Variants in DOCK8 observed in about 807,000 individuals in gnomAD.
DOCK8 encodes the protein dedicator of cytokinesis 8, also known as dedicator of cytokinesis protein 8.
In DOCK8, 141 loss-of-function variants were observed where a neutral mutation model predicts 245.6. The ratio of observed to expected loss-of-function variants is 0.57; its 90% CI spans 0.50 to 0.66. The LOEUF (loss-of-function observed/expected upper bound fraction) is 0.66. DOCK8 is among the 30% of genes least tolerant of loss of function. DOCK8 has a pLI of 0.00. For missense variants in DOCK8, 2,965 were observed against 2,603.4 expected, an observed-to-expected ratio of 1.14 and a Z score of -3.02; for synonymous variants, 1,168 against 970.2, an observed-to-expected ratio of 1.20 and a Z score of -3.79.
intron 14 of DOCK8, among the ~76,000 whole-genome samples, chr9:342,156 C>G (rs1053859183): frequency 1.8e-4 from 27 of 152,136 alleles, no homozygotes; most frequent in African/African-American, 6.0e-4. Flanking sequence ...ATCCCCTGCC[C>G]CCCGCTGCCA....
chr9:330,447 T>TA (rs1376065176), intron 9 of DOCK8, among the ~76,000 whole-genome samples: 2 of 152,068 alleles, frequency 1.3e-5, no homozygotes, highest in South Asian at 2.1e-4. Context: ...ACAATCCAGT[T>TA]AAAAAAACAA....
chr9:221,929 TATTAA>T (rs1033919753), intron 1 of DOCK8, among the ~76,000 whole-genome samples: 1 of 151,964 alleles, frequency 6.6e-6, no homozygotes, highest in African/African-American at 2.4e-5. Flanking sequence ...TAAAATGATT[TATTAA>T]ATTAATTTTC....
intron 14 of DOCK8, among the ~76,000 whole-genome samples, chr9:358,493 A>G (rs2052557598): frequency 6.6e-6 from 1 of 152,224 alleles, no homozygotes; most frequent in Non-Finnish European, 1.5e-5. Context: ...AAATAAATCT[A>G]AGTGTGTGTA....
intron 1 of DOCK8, among the ~76,000 whole-genome samples, chr9:231,500 C>A (rs558663889): frequency 5.2e-4 from 79 of 152,252 alleles, no homozygotes; most frequent in African/African-American, 1.8e-3. Context: ...GCAGTATGGC[C>A]ATTTTCACGA....
At chr9:461,888 T>C (rs971726830) in intron 46 of DOCK8, among the ~76,000 whole-genome samples, 2 of 152,052 alleles carry the variant, frequency 1.3e-5, no homozygotes, top group African/African-American at 4.8e-5. Context: ...TTGGTCCTTT[T>C]CTGAACTTTT....
chr9:318,384 T>C (rs2130760066), intron 7 of DOCK8, among the ~76,000 whole-genome samples: 1 of 152,348 alleles, frequency 6.6e-6, no homozygotes, highest in East Asian at 1.9e-4. Context: ...AAGGCTGGGT[T>C]TCAACCCCTG....
chr9:402,711 A>G (rs991606535), intron 26 of DOCK8, among the ~76,000 whole-genome samples: 1 of 152,196 alleles, frequency 6.6e-6, no homozygotes, highest in African/African-American at 2.4e-5. Context: ...GTCTTTTTTA[A>G]TAGTCACTAA....
chr9:408,135 C>G (rs1045260445), intron 28 of DOCK8, among the ~76,000 whole-genome samples: 1 of 152,164 alleles, frequency 6.6e-6, no homozygotes, highest in Non-Finnish European at 1.5e-5. Flanking sequence ...GGTAGCATTG[C>G]TGTATGTTAT....
At chr9:355,126 G>A (rs1266214180) in intron 14 of DOCK8, among the ~76,000 whole-genome samples, 2 of 151,786 alleles carry the variant, frequency 1.3e-5, no homozygotes, top group African/African-American at 2.4e-5. Context: ...TTAATTTTGT[G>A]GATGCTGAGG....
chr9:239,893 A>G (rs2047340913), intron 1 of DOCK8, among the ~76,000 whole-genome samples: 1 of 152,218 alleles, frequency 6.6e-6, no homozygotes, highest in Non-Finnish European at 1.5e-5. Context: ...TGAATGCATA[A>G]CATTCCATTG....
intron 18 of DOCK8, among the ~76,000 whole-genome samples, chr9:372,540 C>G (rs933603014): frequency 4.3e-4 from 65 of 152,240 alleles, no homozygotes; most frequent in African/African-American, 1.5e-3. Flanking sequence ...AGAGGGATTC[C>G]CAGAATAATG....
chr9:436,704 T>A (rs955219), intron 39 of DOCK8, among the ~76,000 whole-genome samples: 1 of 151,830 alleles, frequency 6.6e-6, no homozygotes, highest in South Asian at 2.1e-4. Context: ...TCCACATTAT[T>A]CCGACATGGG....
At chr9:297,142 G>T (rs2049291332) in intron 4 of DOCK8, among the ~76,000 whole-genome samples, 1 of 152,196 alleles carries the variant, frequency 6.6e-6, no homozygotes, top group African/African-American at 2.4e-5. Context: ...AAAGGAAAGA[G>T]AGGGTAGGGA....
At chr9:274,091 A>C (rs992293367) in intron 2 of DOCK8, among the ~76,000 whole-genome samples, 1 of 152,212 alleles carries the variant, frequency 6.6e-6, no homozygotes, top group African/African-American at 2.4e-5. Context: ...AATAATGCTT[A>C]ATATCTGTAA....
chr9:285,176 C>T (rs1353704751), intron 2 of DOCK8, among the ~76,000 whole-genome samples: 1 of 152,154 alleles, frequency 6.6e-6, no homozygotes, highest in South Asian at 2.1e-4. Context: ...TTACGCCACT[C>T]ATGTCTCCTC....
At chr9:357,899 C>T (rs546520807) in intron 14 of DOCK8, among the ~76,000 whole-genome samples, 4 of 152,204 alleles carry the variant, frequency 2.6e-5, no homozygotes, top group Non-Finnish European at 5.9e-5. Context: ...AGGAGTTTTC[C>T]TTCTGTTTTC....
upstream of DOCK8, chr9:213,681 C>T (rs1482408366): frequency 6.6e-6 from 1 of 151,612 alleles, no homozygotes; most frequent in African/African-American, 2.4e-5. Flanking sequence ...TGGCTAGTGG[C>T]TATCATATTA....
chr9:419,986 C>T (rs1586978771), intron 30 of DOCK8: 2 of 271,876 alleles, frequency 7.4e-6, no homozygotes, highest in East Asian at 8.6e-5. Context: ...TTTCCTTCTC[C>T]CCTGTAAGTC....
intron 2 of DOCK8, among the ~76,000 whole-genome samples, chr9:285,346 C>T (rs117531256): frequency 0.018 from 2,689 of 152,244 alleles, 30 homozygotes; most frequent in South Asian, 0.021. Flanking sequence ...AAACTGGTTT[C>T]GTTAGTACTT....
Sources: gnomAD v4.1 joint callset for allele counts (sites outside exome capture counted in the v4.1 genomes callset) on GRCh38, gnomAD v4.1.1 for gene constraint, MANE v1.5 for transcripts, NCBI Gene and HGNC (gene_info 2026-07-23, HGNC 2026-07-21) for gene names.